ULK4: variants seen among roughly 807,000 people sequenced by gnomAD.
ULK4 encodes the protein unc-51 like kinase 4.
A neutral mutation model predicts 160.6 loss-of-function variants in ULK4; 133 were observed. The ratio of observed to expected loss-of-function variants is 0.83; its 90% CI spans 0.72 to 0.96. The LOEUF is 0.96. Among genes scored for constraint, ULK4 ranks in the 40% least tolerant of loss-of-function variants. ULK4 has a pLI of 0.00. For synonymous variants in ULK4, 534 were observed against 539.8 expected (o/e 0.99, Z 0.15); for missense variants, 1,580 against 1,499.5 (o/e 1.05, Z -0.89).
chr3:41,568,160 C>G (rs142452942), intron 31 of ULK4, among the ~76,000 whole-genome samples: 1 of 152,140 alleles, frequency 6.6e-6, no homozygotes, highest in Non-Finnish European at 1.5e-5. Flanking sequence ...AGAAAAAAAG[C>G]CCTGCCCTTA....
At chr3:41,954,440 C>T (rs1700416799) in intron 2 of ULK4, among the ~76,000 whole-genome samples, 182 bp downstream of exon 2, 1 of 152,058 alleles carries the variant, frequency 6.6e-6, no homozygotes, top group South Asian at 2.1e-4. Flanking sequence ...TTAGTCATTA[C>T]TTGGATATGT....
At chr3:41,393,936 A>T (rs2082005121) in intron 35 of ULK4, among the ~76,000 whole-genome samples, 1 of 152,106 alleles carries the variant, frequency 6.6e-6, no homozygotes, top group East Asian at 1.9e-4. Flanking sequence ...TGGTCTTGGG[A>T]ACATTATTTA....
At chr3:41,306,733 A>G (rs1459092853) in intron 35 of ULK4, among the ~76,000 whole-genome samples, 2 of 151,974 alleles carry the variant, frequency 1.3e-5, no homozygotes, top group African/African-American at 4.8e-5. Context: ...AAGATTGAGA[A>G]ATCGGATGGT....
rs548975661 is a variant in ULK4 at position 41,294,639 on chromosome 3, A to G, written c.3679-45065T>C. ...TGAAAAGTCCCCCTTTTGTCCAAAC[A>G]CACTGAACCAAAACGTAAAGAAACA... On this transcript the variant is annotated intron_variant, in intron 35 of 36. Transcript: ENST00000301831. Among the ~76,000 whole-genome samples the G allele has an allele frequency of 2.0e-5, 3 of 152,346 alleles. No homozygotes were observed. The South Asian group carries it at 6.2e-4, about 32-fold the overall frequency.
intron 32 of ULK4, among the ~76,000 whole-genome samples, chr3:41,494,784 T>C (rs369183591): frequency 6.6e-6 from 1 of 151,894 alleles, no homozygotes. Flanking sequence ...TATACACCAA[T>C]AACAGACAAA....
intron 27 of ULK4, among the ~76,000 whole-genome samples, chr3:41,687,651 C>T (rs1253772443): frequency 6.6e-6 from 1 of 152,106 alleles, no homozygotes; most frequent in Non-Finnish European, 1.5e-5. Flanking sequence ...GGGTGAGGCA[C>T]CTGTACAATA....
intron 22 of ULK4, among the ~76,000 whole-genome samples, chr3:41,718,894 G>A (rs1025268711): frequency 1.3e-5 from 2 of 152,182 alleles, no homozygotes; most frequent in Admixed American, 6.5e-5. Flanking sequence ...CATCACGTGA[G>A]GATGAACCCA....
At chr3:41,723,792 T>G (rs1452958461) in intron 22 of ULK4, among the ~76,000 whole-genome samples, 2 of 152,290 alleles carry the variant, frequency 1.3e-5, no homozygotes, top group Middle Eastern at 3.4e-3. Context: ...CTAAGTAAAT[T>G]TATGCACAGT....
intron 35 of ULK4, among the ~76,000 whole-genome samples, chr3:41,290,315 C>A (rs919331452): frequency 1.3e-5 from 2 of 152,204 alleles, no homozygotes; most frequent in Non-Finnish European, 2.9e-5. Context: ...TATATTAACT[C>A]ATTTATAATC....
intron 31 of ULK4, among the ~76,000 whole-genome samples, chr3:41,608,649 T>C (rs2032504591): frequency 6.6e-6 from 1 of 152,178 alleles, no homozygotes; most frequent in Non-Finnish European, 1.5e-5. Context: ...CTGATCACAG[T>C]AAGCCTTTTA....
chr3:41,531,256 AT>A (rs1435846154), intron 32 of ULK4, among the ~76,000 whole-genome samples: 2 of 150,900 alleles, frequency 1.3e-5, no homozygotes, highest in African/African-American at 4.8e-5. Flanking sequence ...CCTGGCTAAC[AT>A]GGTGAAACCC....
chr3:41,567,445 T>A (rs2087820823), intron 31 of ULK4, among the ~76,000 whole-genome samples: 1 of 46,198 alleles, frequency 2.2e-5, no homozygotes, highest in Non-Finnish European at 4.8e-5. Flanking sequence ...CTTAACAGAT[T>A]TTTTTTTTTT....
At chr3:41,311,938 G>A (rs1247335281) in intron 35 of ULK4, among the ~76,000 whole-genome samples, 1 of 139,786 alleles carries the variant, frequency 7.2e-6, no homozygotes, top group Non-Finnish European at 1.5e-5. Flanking sequence ...TATAAACAGA[G>A]GACATATTTC....
chr3:41,275,622 G>A (rs1378581484), intron 35 of ULK4, among the ~76,000 whole-genome samples: 1 of 152,156 alleles, frequency 6.6e-6, no homozygotes, highest in Non-Finnish European at 1.5e-5. Flanking sequence ...GGGAGATAGG[G>A]GGTGGGAAAA....
At chr3:41,692,220 G>A (rs2036329643) in intron 27 of ULK4, among the ~76,000 whole-genome samples, 1 of 151,566 alleles carries the variant, frequency 6.6e-6, no homozygotes, top group South Asian at 2.1e-4. Context: ...CAAAGTGCTG[G>A]GATTACAGGC....
At chr3:41,368,599 T>C (rs1164833699) in intron 35 of ULK4, among the ~76,000 whole-genome samples, 1 of 152,218 alleles carries the variant, frequency 6.6e-6, no homozygotes, top group African/African-American at 2.4e-5. Context: ...CTAATCTATG[T>C]GTCTATTTTG....
chr3:41,663,032 CCAA>C (rs2035233260), intron 30 of ULK4, among the ~76,000 whole-genome samples: 1 of 151,832 alleles, frequency 6.6e-6, no homozygotes, highest in Non-Finnish European at 1.5e-5. Flanking sequence ...ACCAGCCTGG[CCAA>C]CATGGTGAAA....
At chr3:41,840,331 A>G (rs894176467) in intron 17 of ULK4, among the ~76,000 whole-genome samples, 1 of 152,146 alleles carries the variant, frequency 6.6e-6, no homozygotes, top group Admixed American at 6.5e-5. Context: ...TAGCTACTCA[A>G]GAGACTAAGG....
Position 41,931,987 on chromosome 3 carries a change from C to CCAGG in ULK4, c.394_397dup (p.Gly133AlafsTer7). 6.2e-7 allele frequency: 1 copy of CCAGG among 1,613,936 alleles called. No homozygotes were observed. Among genetic ancestry groups the CCAGG allele is most frequent in the South Asian group, 1.1e-5 (1 of 91,046 alleles). On this transcript the variant is annotated frameshift_variant, in exon 5 of 37. Transcript: ENST00000301831. LOFTEE classifies it high-confidence loss of function. ...GCAAAAGTTGCTAAACTTCAGTGTG[C>CCAGG]CAGGCCCTTCCAAGAGTATCTATGA...
Sources: allele counts gnomAD v4.1 joint callset (sites outside exome capture counted in the v4.1 genomes callset), GRCh38; gene constraint gnomAD v4.1.1; transcripts MANE v1.5; gene names NCBI Gene and HGNC (gene_info 2026-07-23, HGNC 2026-07-21).